Variants in SLAIN1 observed in about 807,000 individuals in gnomAD.
The protein encoded by SLAIN1 is SLAIN family member 1, also known as SLAIN motif-containing protein 1.
SLAIN1 carries 17 observed loss-of-function variants against 55.4 expected under a neutral mutation model. The ratio of observed to expected loss-of-function variants is 0.31; its 90% CI spans 0.21 to 0.46. SLAIN1 has a LOEUF of 0.46. Ranked by LOEUF, SLAIN1 falls within the 20% of genes least tolerant of loss-of-function variation. The pLI is 1.00. For synonymous variants in SLAIN1, 348 were observed against 337.4 expected (o/e 1.03, Z -0.35); for missense variants, 682 against 785.1 (o/e 0.87, Z 1.57).
Position 77,698,348 on chromosome 13 carries a change from G to T in SLAIN1, c.435G>T (p.Ala145=), listed in dbSNP as rs1367330902. ...GCAGCCTGGCGCAGCCACCCGAGGC[G>T]CCCTTCGTCTACTTCAAGCCGGCAG... ...LLCSLAQPPE[A]PFVYFKPAAG... The change falls in exon 1 of 7, where the codon GCG becomes GCT. Residue 145 remains alanine, a synonymous_variant. Transcript: ENST00000418532. This position sits in a 1 kb window ranked among gnomAD's most constrained non-coding sequence, Gnocchi z 4.1. 15 of 1,447,356 alleles carry T rather than the reference G, an allele frequency of 1.0e-5. No individual in the cohort carries two copies. The highest frequency in any genetic ancestry group is 1.4e-5 in the Non-Finnish European group (15 of 1,101,990). The allele number at this position is 1,447,356 out of a possible 1,614,324, so 89.7% of individuals were successfully genotyped here.
At chr13:77,738,981 C>G (rs1337082230) in intron 2 of SLAIN1, among the ~76,000 whole-genome samples, 1 of 152,032 alleles carries the variant, frequency 6.6e-6, no homozygotes, top group Non-Finnish European at 1.5e-5. Context: ...CATAATCCTT[C>G]CTTTTAACTG....
At position 77,698,587 on chromosome 13, in the gene SLAIN1, TCGGGCAC is replaced by T. The variant is rs1380412942; in HGVS notation, c.626+53_626+59del. 5.4e-5 allele frequency: 73 copies of T among 1,348,744 alleles called. No homozygotes were observed. Among genetic ancestry groups the T allele is most frequent in the Non-Finnish European group, 6.5e-5 (69 of 1,054,634 alleles). The allele number at this position is 1,348,744 out of a possible 1,614,324, so 83.5% of individuals were successfully genotyped here. A position where few individuals can be genotyped will look rare whatever the true frequency, so the allele number is the denominator to read the frequency against. On this transcript the variant is annotated intron_variant, in intron 1 of 6. Coordinates refer to ENST00000418532, the MANE Select transcript of SLAIN1 (RefSeq NM_001242868.2). The surrounding 1 kb of genome is among the most constrained non-coding windows in gnomAD (Gnocchi z 4.1). ...CCCCGAGACCCTGGCCTCGGGGGCT[TCGGGCAC>T]CGGGGAGCGGGGGCGGGGGGCGGAC... is the stretch of plus-strand genomic sequence containing the variant.
Position 77,720,435 on chromosome 13 carries a change from CAG to C in SLAIN1, c.766+765_766+766del, listed in dbSNP as rs2091251028. 2.0e-5 allele frequency among the ~76,000 whole-genome samples: 3 copies of C among 152,272 alleles called. No homozygotes were observed. In the South Asian group the frequency reaches 6.2e-4, roughly 32 times the overall value. ...GAATGATACTGTTTGAGGGTAGAGTCAGGGGAGTCTGCATTGAGAAGTTCACC... is the reference window on the plus strand; with the variant it reads ...GAATGATACTGTTTGAGGGTAGAGTCGGGAGTCTGCATTGAGAAGTTCACC... On this transcript the variant is annotated intron_variant, in intron 2 of 6. Transcript: ENST00000418532.
chr13:77,756,820 C>T (rs1183730956), intron 5 of SLAIN1, among the ~76,000 whole-genome samples: 1 of 152,006 alleles, frequency 6.6e-6, no homozygotes, highest in Non-Finnish European at 1.5e-5. Flanking sequence ...TCCTAGGAAG[C>T]TCAAAATAGG....
chr13:77,698,237 C>A lies in SLAIN1; in HGVS notation c.324C>A (p.Gly108=). Residue 108 remains glycine, a synonymous_variant, in exon 1 of 7, where the codon GGC becomes GGA. Coordinates refer to ENST00000418532, the MANE Select transcript of SLAIN1 (RefSeq NM_001242868.2). The surrounding 1 kb of genome is among the most constrained non-coding windows in gnomAD (Gnocchi z 4.1). ...LGLALGAGGG[G]GSGSGSGGGS... ...TGGCGCTGGGCGCGGGGGGCGGTGG[C>A]GGCAGCGGTAGTGGCAGCGGCGGTG... is the stretch of plus-strand genomic sequence containing the variant. The A allele has an allele frequency of 7.4e-7, 1 of 1,357,280 alleles. No individual in the cohort carries two copies. Among genetic ancestry groups the A allele is most frequent in the Admixed American group, 2.9e-5 (1 of 35,032 alleles). The allele number at this position is 1,357,280 out of a possible 1,614,324, so 84.1% of individuals were successfully genotyped here.
chr13:77,744,451 C>T lies in SLAIN1; in HGVS notation c.916+19C>T. On this transcript the variant is annotated intron_variant, in intron 3 of 6. Coordinates refer to ENST00000418532, the MANE Select transcript of SLAIN1 (RefSeq NM_001242868.2). ...GAAGAAAGTATGTGTTCTTTCTAAA[C>T]TAGCAAAATGAGGCTTCCACTTGGA... The T allele has an allele frequency of 6.2e-7, 1 of 1,607,778 alleles. No homozygotes were observed. Among genetic ancestry groups the T allele is most frequent in the African/African-American group, 1.3e-5 (1 of 74,948 alleles).
At chr13:77,712,826 T>C (rs1212819379) in intron 1 of SLAIN1, among the ~76,000 whole-genome samples, 2 of 152,168 alleles carry the variant, frequency 1.3e-5, no homozygotes, top group African/African-American at 4.8e-5. Flanking sequence ...AAAGCTACTG[T>C]AACCAAAACA....
chr13:77,737,400 T>G (rs933618750), intron 2 of SLAIN1, among the ~76,000 whole-genome samples: 1 of 152,120 alleles, frequency 6.6e-6, no homozygotes, highest in Non-Finnish European at 1.5e-5. Flanking sequence ...TTATGTCATC[T>G]TCATAAAATG....
intron 1 of SLAIN1, among the ~76,000 whole-genome samples, chr13:77,706,842 T>C (rs1244805069): frequency 6.6e-6 from 1 of 152,216 alleles, no homozygotes; most frequent in African/African-American, 2.4e-5. Flanking sequence ...CTTTCCCTCA[T>C]GTTTGAAGGC....
chr13:77,724,328 G>A (rs983898507), intron 2 of SLAIN1, among the ~76,000 whole-genome samples: 2 of 152,082 alleles, frequency 1.3e-5, no homozygotes, highest in African/African-American at 4.8e-5. Context: ...TCGCACCTAC[G>A]ATTCCAGAAC....
Position 77,740,540 on chromosome 13 carries a change from T to C in SLAIN1, c.767-3743T>C, listed in dbSNP as rs977466884. ...AAGTTTGCGAACCGCCCCCCCCCCCTTTTTTTATAAATAGAACTCTGGAGT... is the reference window on the plus strand; with the variant it reads ...AAGTTTGCGAACCGCCCCCCCCCCCCTTTTTTATAAATAGAACTCTGGAGT... On this transcript the variant is annotated intron_variant, in intron 2 of 6. Transcript: ENST00000418532. 6.0e-5 allele frequency among the ~76,000 whole-genome samples: 8 copies of C among 134,254 alleles called. No individual in the cohort carries two copies. In the East Asian group the frequency reaches 8.8e-4, roughly 15 times the overall value. 88.1% of individuals were successfully genotyped at this position (134,254 alleles called of 152,430 possible).
chr13:77,724,566 A>G (rs548181812), intron 2 of SLAIN1, among the ~76,000 whole-genome samples: 5 of 152,270 alleles, frequency 3.3e-5, no homozygotes, highest in South Asian at 4.1e-4. Flanking sequence ...TTAATCCCCC[A>G]TATTGAAGAA....
At chr13:77,721,428 T>C (rs2091261173) in intron 2 of SLAIN1, among the ~76,000 whole-genome samples, 1 of 152,172 alleles carries the variant, frequency 6.6e-6, no homozygotes, top group Non-Finnish European at 1.5e-5. Context: ...TAAATCCCTT[T>C]GGATTAACTC....
intron 2 of SLAIN1, among the ~76,000 whole-genome samples, chr13:77,727,133 G>A (rs2091314481): frequency 6.6e-6 from 1 of 152,078 alleles, no homozygotes; most frequent in Admixed American, 6.5e-5. Flanking sequence ...CAGAACACTG[G>A]CCACTTATTT....
intron 5 of SLAIN1, 115 bp from the exon 6 acceptor site, chr13:77,760,713 T>G: frequency 1.8e-6 from 2 of 1,091,852 alleles, no homozygotes; most frequent in South Asian, 3.0e-5. Flanking sequence ...TCTGTTTTTC[T>G]CCTCCTGTGT....
At chr13:77,703,006 G>A (rs1420256944) in intron 1 of SLAIN1, among the ~76,000 whole-genome samples, 1 of 152,098 alleles carries the variant, frequency 6.6e-6, no homozygotes, top group Non-Finnish European at 1.5e-5. Context: ...TACTCTGAAG[G>A]GAAGTTAGGT....
At chr13:77,731,649 C>A (rs1872864919) in intron 2 of SLAIN1, among the ~76,000 whole-genome samples, 3 of 152,076 alleles carry the variant, frequency 2.0e-5, no homozygotes, top group Admixed American at 2.0e-4. Flanking sequence ...AAATTACTTT[C>A]TTTACCTTGG....
rs1350168615 is a variant in SLAIN1, at chr13:77,763,909, C to G, written c.*689C>G. On this transcript the variant is annotated 3_prime_UTR_variant, in exon 7 of 7. Coordinates refer to ENST00000418532, the MANE Select transcript of SLAIN1 (RefSeq NM_001242868.2). ...AGACAGCAGAATTAAATGGTCCTGT[C>G]TTTTTCATTTTTAATTTATTGTCAT... 6.6e-6 allele frequency: 1 copy of G among 152,582 alleles called. No individual in the cohort carries two copies. The highest frequency in any genetic ancestry group is 1.5e-5 in the Non-Finnish European group (1 of 68,020). The allele number at this position is 152,582 out of a possible 1,614,324, so 9.5% of individuals were successfully genotyped here.
intron 2 of SLAIN1, among the ~76,000 whole-genome samples, chr13:77,727,784 CA>C (rs2091322090): frequency 6.6e-6 from 1 of 152,142 alleles, no homozygotes. Context: ...GGACATTTAG[CA>C]GATTTCACAG....
Sources: allele counts gnomAD v4.1 joint callset (sites outside exome capture counted in the v4.1 genomes callset), GRCh38; gene constraint gnomAD v4.1.1; non-coding constraint Gnocchi (gnomAD v3.1); transcripts MANE v1.5; gene names NCBI Gene and HGNC (gene_info 2026-07-23, HGNC 2026-07-21).